The following PLEKHG7 variants were observed in gnomAD, a reference collection of about 807,000 sequenced individuals.
PLEKHG7 encodes pleckstrin homology domain-containing family G member 7.
Under a neutral mutation model 85.2 loss-of-function variants are expected in PLEKHG7, and 77 were observed. The observed-to-expected ratio is 0.90, with a 90% CI of 0.75 to 1.09. PLEKHG7 has a LOEUF of 1.09. Among genes scored for constraint, PLEKHG7 ranks in the 50% least tolerant of loss-of-function variants. The pLI, the probability that PLEKHG7 is intolerant of heterozygous loss-of-function variation, is 0.00. For missense variants in PLEKHG7, 777 were observed against 804.3 expected (o/e 0.97, Z 0.41); for synonymous variants, 301 against 302.4 (o/e 1.00, Z 0.05).
intron 10 of PLEKHG7, among the ~76,000 whole-genome samples, chr12:92,746,408 T>TG (rs1231207123): frequency 6.6e-6 from 1 of 152,226 alleles, no homozygotes; most frequent in Non-Finnish European, 1.5e-5. Flanking sequence ...AGCCTTGATA[T>TG]GCCAGGAAGC....
Position 92,755,923 on chromosome 12 carries a change from A to C in PLEKHG7, c.1525A>C (p.Arg509=), listed in dbSNP as rs1355781323. ...VWPPLWDRDK[R]FFIPECLKHI... is the part of the protein sequence containing the mutation. ...GCCACCGCTTTGGGATAGAGATAAA[A>C]GGTTTTTCATTCCAGAGGTACAAAA... Residue 509 remains arginine (R), a synonymous_variant, in exon 12 of 17, where the codon AGG becomes CGG. Transcript: ENST00000344636. The C allele has an allele frequency of 6.2e-7, 1 of 1,608,598 alleles. No homozygotes were observed. The highest frequency in any genetic ancestry group is 8.5e-7 in the Non-Finnish European group (1 of 1,178,110).
chr12:92,719,432 A>G (rs1871575717), intron 3 of PLEKHG7, among the ~76,000 whole-genome samples: 1 of 152,220 alleles, frequency 6.6e-6, no homozygotes, highest in Non-Finnish European at 1.5e-5. Flanking sequence ...CTGCCTGCTG[A>G]AAAAGACTAC....
At chr12:92,731,393 C>G (rs1871988539) in intron 4 of PLEKHG7, among the ~76,000 whole-genome samples, 1 of 152,172 alleles carries the variant, frequency 6.6e-6, no homozygotes, top group African/African-American at 2.4e-5. Context: ...AAATGCTGCT[C>G]AGTTCATTGC....
At chr12:92,709,032 G>T (rs534899664) in intron 3 of PLEKHG7, among the ~76,000 whole-genome samples, 2 of 152,094 alleles carry the variant, frequency 1.3e-5, no homozygotes, top group African/African-American at 4.8e-5. Flanking sequence ...GTTTAGAGTC[G>T]AATTATTTTA....
At chr12:92,707,310 A>T in intron 2 of PLEKHG7, 172 bp downstream of exon 2, 2 of 1,430,628 alleles carry the variant, frequency 1.4e-6, no homozygotes, top group Non-Finnish European at 1.8e-6. Context: ...AAGTGAAAGG[A>T]GGGCAGCAAT....
At chr12:92,711,812 C>G (rs560525901) in intron 3 of PLEKHG7, among the ~76,000 whole-genome samples, 1 of 152,192 alleles carries the variant, frequency 6.6e-6, no homozygotes, top group Non-Finnish European at 1.5e-5. Flanking sequence ...TGCACAGCAG[C>G]CTGGACCTGT....
chr12:92,764,267 C>A, intron 15 of PLEKHG7, 73 bp downstream of exon 15: 1 of 1,413,310 alleles, frequency 7.1e-7, no homozygotes, highest in Non-Finnish European at 9.6e-7. Context: ...TTCTTGGTAG[C>A]AGGTCATAAA....
rs148554293 is a variant in PLEKHG7, at chr12:92,767,782, A to T, written c.1871-1201A>T. 3.5e-3 allele frequency among the ~76,000 whole-genome samples: 526 copies of T among 152,310 alleles called. 6 individuals are homozygous for T. Among genetic ancestry groups the T allele is most frequent in the African/African-American group, 0.012 (489 of 41,556 alleles). On this transcript the variant is annotated intron_variant, in intron 15 of 16. Transcript: ENST00000344636. ...CAACAAATACAAATAGTGACAGCAG[A>T]CAAGCATCAGCTTAATGATCAGCAA... is the stretch of plus-strand genomic sequence containing the variant.
Position 92,745,465 on chromosome 12 carries a change from TC to T in PLEKHG7, c.1138-11del. 1 of 1,567,410 alleles carries T rather than the reference TC, an allele frequency of 6.4e-7. No individual in the cohort carries two copies. The highest frequency in any genetic ancestry group is 8.8e-7 in the Non-Finnish European group (1 of 1,137,590). On this transcript the variant is annotated splice_polypyrimidine_tract_variant and intron_variant, in intron 9 of 16. Coordinates refer to ENST00000344636, the MANE Select transcript of PLEKHG7 (RefSeq NM_001377329.1). ...CTTGTGTTCATCCTCCTTCTGCTCT[TC>T]CTTTCTTGCAGTATTTCCGAGGGAG...
chr12:92,746,456 AGGGAAGAG>A (rs1872535647), intron 10 of PLEKHG7, among the ~76,000 whole-genome samples: 1 of 152,210 alleles, frequency 6.6e-6, no homozygotes, highest in Non-Finnish European at 1.5e-5. Flanking sequence ...GAATAATCTT[AGGGAAGAG>A]ACTTGGCCAT....
At chr12:92,750,991 C>A (rs1216815352) in intron 10 of PLEKHG7, among the ~76,000 whole-genome samples, 5 of 152,068 alleles carry the variant, frequency 3.3e-5, no homozygotes, top group South Asian at 2.1e-4. Context: ...AAATTCTAAT[C>A]CCATTAATAT....
chr12:92,766,228 T>C (rs1356038807), intron 15 of PLEKHG7, among the ~76,000 whole-genome samples: 1 of 152,222 alleles, frequency 6.6e-6, no homozygotes, highest in Non-Finnish European at 1.5e-5. Context: ...TACTTTTTCA[T>C]GGGGAAAAAT....
chr12:92,742,039 G>C (rs895730337), intron 9 of PLEKHG7, among the ~76,000 whole-genome samples: 21 of 152,112 alleles, frequency 1.4e-4, no homozygotes, highest in Non-Finnish European at 2.6e-4. Context: ...TGTACCCCGG[G>C]TTTGATCAAT....
Position 92,763,343 on chromosome 12 carries a change from G to A in PLEKHG7, c.1717-698G>A, listed in dbSNP as rs144644701. Among the ~76,000 whole-genome samples the A allele has an allele frequency of 3.3e-5, 5 of 152,252 alleles. No individual in the cohort carries two copies. In the East Asian group the frequency reaches 9.7e-4, roughly 29 times the overall value. On this transcript the variant is annotated intron_variant, in intron 14 of 16. Transcript: ENST00000344636. ...GGAATCTATTAAGAATTCAGTATTA[G>A]ATCCCAGGCATACAGTTGGCCAAAG...
chr12:92,740,369 T>G (rs1872316661), intron 7 of PLEKHG7, among the ~76,000 whole-genome samples: 1 of 152,234 alleles, frequency 6.6e-6, no homozygotes, highest in Non-Finnish European at 1.5e-5. Flanking sequence ...CCATGTTTAA[T>G]GCCTCTAAAC....
At chr12:92,711,708 C>T (rs1292737204) in intron 3 of PLEKHG7, among the ~76,000 whole-genome samples, 1 of 152,204 alleles carries the variant, frequency 6.6e-6, no homozygotes. Flanking sequence ...CTATAGGGGA[C>T]TGCCAAAGGC....
At position 92,758,377 on chromosome 12, in the gene PLEKHG7, T is replaced by C. The variant is rs78640747; in HGVS notation, c.1636+1986T>C. 2.1e-3 allele frequency among the ~76,000 whole-genome samples: 314 copies of C among 152,338 alleles called. 1 individual carries two copies. The highest frequency in any genetic ancestry group is 7.4e-3 in the African/African-American group (306 of 41,566). On this transcript the variant is annotated intron_variant, in intron 13 of 16. Transcript: ENST00000344636. ...AAGAGGAAATGAGTATCAAAAACTG[T>C]TCTAATCTATGTATCTGAAAGTTTT...
chr12:92,723,615 C>A (rs1177501492), intron 3 of PLEKHG7, among the ~76,000 whole-genome samples: 1 of 152,184 alleles, frequency 6.6e-6, no homozygotes, highest in Non-Finnish European at 1.5e-5. Context: ...TTTAGCCCAT[C>A]CTCACACAAT....
chr12:92,718,543 G>A (rs1358659818), intron 3 of PLEKHG7, among the ~76,000 whole-genome samples: 1 of 152,202 alleles, frequency 6.6e-6, no homozygotes, highest in African/African-American at 2.4e-5. Flanking sequence ...AAAGAAAAAG[G>A]AAATTGATTG....
Sources: allele counts gnomAD v4.1 joint callset (sites outside exome capture counted in the v4.1 genomes callset), GRCh38; gene constraint gnomAD v4.1.1; transcripts MANE v1.5; gene names NCBI Gene and HGNC (gene_info 2026-07-23, HGNC 2026-07-21).